SLC4A4: variants seen among roughly 807,000 people sequenced by gnomAD.
SLC4A4 encodes solute carrier family 4 member 4, also known as electrogenic sodium bicarbonate cotransporter 1.
In SLC4A4, 27 loss-of-function variants were observed where a neutral mutation model predicts 111.5. That is an observed-to-expected ratio of 0.24 (90% CI 0.18 to 0.33). The LOEUF is 0.33. Ranked by LOEUF, SLC4A4 falls within the 10% of genes least tolerant of loss-of-function variation. The pLI, the probability that SLC4A4 is intolerant of heterozygous loss-of-function variation, is 1.00. For missense variants in SLC4A4, 909 were observed against 1,315.5 expected (o/e 0.69, Z 4.78); for synonymous variants, 443 against 463.4 (o/e 0.96, Z 0.57).
chr4:71,131,642 A>C (rs1244899001), intron 2 of SLC4A4, among the ~76,000 whole-genome samples: 1 of 152,246 alleles, frequency 6.6e-6, no homozygotes, highest in Non-Finnish European at 1.5e-5. Context: ...ATCTAGGATT[A>C]TTAAACATTG....
intron 1 of SLC4A4, among the ~76,000 whole-genome samples, chr4:71,192,814 T>C (rs961709895): frequency 1.3e-5 from 2 of 152,200 alleles, no homozygotes; most frequent in African/African-American, 2.4e-5. Context: ...ATATAGACCA[T>C]TGCTGGCATC....
intron 1 of SLC4A4, among the ~76,000 whole-genome samples, chr4:71,088,917 C>A (rs1291006279): frequency 1.3e-5 from 2 of 151,938 alleles, no homozygotes; most frequent in African/African-American, 4.8e-5. Flanking sequence ...ATCTTTGTGG[C>A]ATTCTTTGTA....
intron 24 of SLC4A4, among the ~76,000 whole-genome samples, chr4:71,565,202 G>A (rs1737355441): frequency 6.6e-6 from 1 of 151,866 alleles, no homozygotes; most frequent in African/African-American, 2.4e-5. Context: ...CATTTATTTG[G>A]CCCACGCCCC....
chr4:71,491,577 C>T (rs1267447942), intron 15 of SLC4A4, among the ~76,000 whole-genome samples: 1 of 151,696 alleles, frequency 6.6e-6, no homozygotes, highest in Non-Finnish European at 1.5e-5. Flanking sequence ...TGAGTGCACC[C>T]TGTGATGAGA....
intron 6 of SLC4A4, among the ~76,000 whole-genome samples, chr4:71,377,061 G>A (rs1231614880): frequency 1.3e-5 from 2 of 151,988 alleles, no homozygotes; most frequent in South Asian, 4.2e-4. Flanking sequence ...AACACGCAAT[G>A]GTTTATTGTT....
intron 7 of SLC4A4, among the ~76,000 whole-genome samples, chr4:71,412,284 G>A (rs1376963175): frequency 6.6e-6 from 1 of 152,182 alleles, no homozygotes; most frequent in African/African-American, 2.4e-5. Context: ...AAATACTTGA[G>A]GAGATGTAGT....
chr4:71,346,929 A>C (rs961109750), intron 4 of SLC4A4, among the ~76,000 whole-genome samples: 3 of 152,168 alleles, frequency 2.0e-5, no homozygotes, highest in Admixed American at 2.0e-4. Flanking sequence ...AAAATATTCA[A>C]TATTTACTGA....
At chr4:71,155,229 T>G (rs576658836) in intron 2 of SLC4A4, among the ~76,000 whole-genome samples, 14 of 152,300 alleles carry the variant, frequency 9.2e-5, no homozygotes, top group African/African-American at 3.4e-4. Flanking sequence ...TTAAACAAAT[T>G]GAGATGAAAA....
chr4:71,347,596 G>C (rs1165309168), intron 4 of SLC4A4, among the ~76,000 whole-genome samples: 1 of 152,092 alleles, frequency 6.6e-6, no homozygotes, highest in Non-Finnish European at 1.5e-5. Context: ...CATTCCCTTG[G>C]GGGATAGGAT....
At chr4:71,257,392 A>G (rs953418860) in intron 3 of SLC4A4, among the ~76,000 whole-genome samples, 13 of 152,210 alleles carry the variant, frequency 8.5e-5, no homozygotes, top group African/African-American at 3.1e-4. Flanking sequence ...CCTTTGGCAT[A>G]TTTGATATGA....
intron 4 of SLC4A4, among the ~76,000 whole-genome samples, chr4:71,343,589 C>G (rs1289727356): frequency 6.6e-6 from 1 of 152,192 alleles, no homozygotes; most frequent in African/African-American, 2.4e-5. Flanking sequence ...TTTCTCTACA[C>G]CCAATATCTG....
intron 1 of SLC4A4, among the ~76,000 whole-genome samples, chr4:71,211,644 C>T (rs1718134349): frequency 2.6e-5 from 4 of 152,146 alleles, no homozygotes. Flanking sequence ...GAGCTCTGCC[C>T]TAATTTGGTG....
chr4:71,352,616 C>CT (rs1439933352), intron 5 of SLC4A4, among the ~76,000 whole-genome samples: 28 of 152,178 alleles, frequency 1.8e-4, no homozygotes, highest in Admixed American at 8.5e-4. Flanking sequence ...TTACTGAACT[C>CT]TTTTGGAGTC....
At chr4:71,366,218 T>A (rs55807527) in intron 6 of SLC4A4, among the ~76,000 whole-genome samples, 1 of 152,108 alleles carries the variant, frequency 6.6e-6, no homozygotes, top group South Asian at 2.1e-4. Context: ...GAACATATGA[T>A]GTTGCAATCC....
intron 8 of SLC4A4, among the ~76,000 whole-genome samples, chr4:71,445,566 C>G (rs1317441677): frequency 6.6e-6 from 1 of 152,068 alleles, no homozygotes; most frequent in African/African-American, 2.4e-5. Context: ...CAGAAGAAAT[C>G]TATTATTTAA....
chr4:71,204,212 A>T (rs1324776836), intron 1 of SLC4A4, among the ~76,000 whole-genome samples: 2 of 152,212 alleles, frequency 1.3e-5, no homozygotes, highest in Non-Finnish European at 2.9e-5. Context: ...GGTTTCCTGA[A>T]AATTGATGAT....
At chr4:71,370,239 G>A (rs1578940365) in intron 6 of SLC4A4, among the ~76,000 whole-genome samples, 1 of 152,276 alleles carries the variant, frequency 6.6e-6, no homozygotes, top group East Asian at 1.9e-4. Flanking sequence ...AGTGTGTAGG[G>A]CAGGACTTGA....
At chr4:71,338,240 G>T (rs1490272383) in intron 3 of SLC4A4, among the ~76,000 whole-genome samples, 2 of 152,036 alleles carry the variant, frequency 1.3e-5, no homozygotes, top group African/African-American at 4.8e-5. Flanking sequence ...AATAAATTTT[G>T]ATCTATGGAA....
intron 14 of SLC4A4, among the ~76,000 whole-genome samples, chr4:71,483,198 G>C (rs566382214): frequency 1.3e-5 from 2 of 151,688 alleles, no homozygotes; most frequent in East Asian, 3.9e-4. Context: ...TTAAGTTCGG[G>C]ATACATGTGC....
Sources: allele counts gnomAD v4.1 joint callset (sites outside exome capture counted in the v4.1 genomes callset), GRCh38; gene constraint gnomAD v4.1.1; transcripts MANE v1.5; gene names NCBI Gene and HGNC (gene_info 2026-07-23, HGNC 2026-07-21).